The following BBS9 variants were observed in gnomAD, a reference collection of about 807,000 sequenced individuals.
The protein encoded by BBS9 is Bardet-Biedl syndrome 9, also known as protein PTHB1.
BBS9 carries 89 observed loss-of-function variants against 117.7 expected under a neutral mutation model. That is an observed-to-expected ratio of 0.76 (90% CI 0.64 to 0.90). The LOEUF (loss-of-function observed/expected upper bound fraction) is 0.90. BBS9 is among the 40% of genes least tolerant of loss of function. The pLI, the probability that BBS9 is intolerant of heterozygous loss-of-function variation, is 0.00. For synonymous variants in BBS9, 379 were observed against 370.9 expected (o/e 1.02, Z -0.25); for missense variants, 982 against 1,042.2 (o/e 0.94, Z 0.80).
chr7:33,373,144 C>T lies in BBS9; in HGVS notation c.1789+5282C>T, dbSNP rs12670789. 0.02 allele frequency among the ~76,000 whole-genome samples: 3,001 copies of T among 151,978 alleles called. 206 individuals are homozygous for T. The East Asian group carries it at 0.26, about 13-fold the overall frequency. On this transcript the variant is annotated intron_variant, in intron 17 of 22. Coordinates refer to ENST00000242067, the MANE Select transcript of BBS9 (RefSeq NM_198428.3). ...TTAGCACAATGAATGAGAAAGTACA[C>T]GCACACTCTCTCTTTCTCTCTCCCT... is the stretch of plus-strand genomic sequence containing the variant.
At chr7:33,579,008 C>A (rs545061581) in intron 21 of BBS9, among the ~76,000 whole-genome samples, 1 of 152,212 alleles carries the variant, frequency 6.6e-6, no homozygotes. Context: ...TAGGCTGCTG[C>A]CTTTTGCAGG....
intron 20 of BBS9, among the ~76,000 whole-genome samples, chr7:33,514,528 G>A (rs1459716679): frequency 6.6e-6 from 1 of 152,120 alleles, no homozygotes; most frequent in Non-Finnish European, 1.5e-5. Context: ...CTGTTACAGG[G>A]AGTTTCCTGT....
intron 19 of BBS9, among the ~76,000 whole-genome samples, chr7:33,487,912 T>G (rs1584998157): frequency 6.6e-6 from 1 of 152,344 alleles, no homozygotes; most frequent in East Asian, 1.9e-4. Flanking sequence ...TCATAGCCTC[T>G]TAATCACAGG....
chr7:33,152,892 G>A lies in BBS9; in HGVS notation c.263+41G>A, dbSNP rs374140910. ...AATTCTGGTATTTTACTTGGAGTAT[G>A]TCAATCCTTTACAGTGTCACTTTTG... On this transcript the variant is annotated intron_variant, in intron 3 of 22. Coordinates refer to ENST00000242067, the MANE Select transcript of BBS9 (RefSeq NM_198428.3). The A allele has an allele frequency of 5.9e-5, 94 of 1,596,518 alleles. 1 individual carries two copies. In the South Asian group the frequency reaches 9.2e-4, roughly 16 times the overall value.
intron 21 of BBS9, among the ~76,000 whole-genome samples, chr7:33,596,870 A>G (rs952382358): frequency 6.6e-6 from 1 of 151,916 alleles, no homozygotes; most frequent in Non-Finnish European, 1.5e-5. Context: ...TTTGCCAAAA[A>G]CTTTCTAAAT....
chr7:33,452,940 T>C (rs1422076250), intron 19 of BBS9, among the ~76,000 whole-genome samples: 1 of 152,248 alleles, frequency 6.6e-6, no homozygotes, highest in Non-Finnish European at 1.5e-5. Flanking sequence ...TTCATAATGG[T>C]GACTTCTGAG....
At chr7:33,366,107 G>A (rs942813274) in intron 16 of BBS9, among the ~76,000 whole-genome samples, 1 of 152,144 alleles carries the variant, frequency 6.6e-6, no homozygotes, top group Admixed American at 6.5e-5. Flanking sequence ...TTCTGGGGTG[G>A]TACAACAGCA....
intron 9 of BBS9, among the ~76,000 whole-genome samples, chr7:33,297,929 C>T (rs760706487): frequency 2.6e-5 from 4 of 151,956 alleles, no homozygotes; most frequent in South Asian, 2.1e-4. Context: ...ATGGTTTTAC[C>T]GTAGTGAACC....
intron 5 of BBS9, among the ~76,000 whole-genome samples, chr7:33,202,163 A>C: frequency 6.6e-6 from 1 of 152,174 alleles, no homozygotes. Context: ...GCTCTGTCTC[A>C]ATTTCCTACA....
intron 22 of BBS9, 105 bp from the exon 23 acceptor site, chr7:33,605,090 C>T: frequency 6.8e-7 from 1 of 1,464,220 alleles, no homozygotes; most frequent in Non-Finnish European, 9.6e-7. Context: ...CCAATTTCTT[C>T]ATTCTTCCCC....
chr7:33,243,415 TCTTTGATAGAG>T (rs1392150156), intron 5 of BBS9, among the ~76,000 whole-genome samples: 1 of 152,180 alleles, frequency 6.6e-6, no homozygotes, highest in African/African-American at 2.4e-5. Flanking sequence ...ATAAAGCCAG[TCTTTGATAGAG>T]AATAGTAAAA....
At chr7:33,131,932 G>A (rs990937234) in intron 1 of BBS9, among the ~76,000 whole-genome samples, 3 of 152,174 alleles carry the variant, frequency 2.0e-5, no homozygotes, top group Non-Finnish European at 2.9e-5. Context: ...ACAAAAAAGT[G>A]TCAAGTGAAG....
intron 21 of BBS9, among the ~76,000 whole-genome samples, chr7:33,548,683 C>T (rs946792556): frequency 2.0e-5 from 3 of 151,588 alleles, no homozygotes; most frequent in Non-Finnish European, 2.9e-5. Flanking sequence ...ACAATTGCTT[C>T]AAAGAGAATA....
At chr7:33,454,973 T>G (rs568734473) in intron 19 of BBS9, among the ~76,000 whole-genome samples, 19 of 152,336 alleles carry the variant, frequency 1.2e-4, no homozygotes, top group African/African-American at 4.6e-4. Context: ...TCCAATGAGC[T>G]GTAAGACCAC....
chr7:33,580,643 G>A (rs370403801), intron 21 of BBS9, among the ~76,000 whole-genome samples: 30 of 152,164 alleles, frequency 2.0e-4, no homozygotes, highest in African/African-American at 5.8e-4. Context: ...ATTCTGGAAG[G>A]TTGTTAAAGA....
chr7:33,266,747 A>G (rs1157388632), intron 7 of BBS9, among the ~76,000 whole-genome samples: 1 of 151,306 alleles, frequency 6.6e-6, no homozygotes, highest in Non-Finnish European at 1.5e-5. Flanking sequence ...ATATTTATTT[A>G]TTTATTTATT....
intron 20 of BBS9, among the ~76,000 whole-genome samples, chr7:33,516,487 CAAAAAAAAAAA>C (rs61006845): frequency 4.1e-4 from 21 of 51,520 alleles, no homozygotes; most frequent in African/African-American, 1.4e-3. Flanking sequence ...ATTTCATCTC[CAAAAAAAAAAA>C]AAAAAAAAAA....
intron 19 of BBS9, among the ~76,000 whole-genome samples, chr7:33,477,847 C>G (rs1842014520): frequency 6.6e-6 from 1 of 151,998 alleles, no homozygotes; most frequent in African/African-American, 2.4e-5. Flanking sequence ...TTGTGTGGTG[C>G]CATTAGGTGG....
At chr7:33,543,544 C>T (rs1170491460) in intron 21 of BBS9, among the ~76,000 whole-genome samples, 1 of 152,182 alleles carries the variant, frequency 6.6e-6, no homozygotes, top group Non-Finnish European at 1.5e-5. Context: ...AAGCCAATGT[C>T]TAGATGTTTC....
Sources: allele counts gnomAD v4.1 joint callset (sites outside exome capture counted in the v4.1 genomes callset), GRCh38; gene constraint gnomAD v4.1.1; transcripts MANE v1.5; gene names NCBI Gene and HGNC (gene_info 2026-07-23, HGNC 2026-07-21).